ADGRL3: variants seen among roughly 807,000 people sequenced by gnomAD.
ADGRL3 encodes adhesion G protein-coupled receptor L3, also known as calcium-independent alpha-latrotoxin receptor 3.
A neutral mutation model predicts 153.5 loss-of-function variants in ADGRL3; 62 were observed. The observed-to-expected ratio is 0.40, with a 90% CI of 0.33 to 0.50. ADGRL3 has a LOEUF of 0.50. Among genes scored for constraint, ADGRL3 ranks in the 20% least tolerant of loss-of-function variants. The pLI is 0.47. For synonymous variants in ADGRL3, 710 were observed against 672.5 expected, an observed-to-expected ratio of 1.06 and a Z score of -0.86; for missense variants, 1,641 against 1,859.4, an observed-to-expected ratio of 0.88 and a Z score of 2.16.
intron 2 of ADGRL3, among the ~76,000 whole-genome samples, chr4:61,477,071 T>A (rs1427262160): frequency 1.3e-5 from 2 of 152,082 alleles, no homozygotes; most frequent in Non-Finnish European, 2.9e-5. Context: ...CAGAAATATA[T>A]CTGATACGTA....
chr4:62,075,748 C>T lies in ADGRL3; in HGVS notation c.*4840C>T, dbSNP rs887886569. 3 of 151,490 alleles carry T rather than the reference C, an allele frequency of 2.0e-5. No homozygotes were observed. Among genetic ancestry groups the T allele is most frequent in the South Asian group, 2.1e-4 (1 of 4,732 alleles). 9.4% of individuals were successfully genotyped at this position (151,490 alleles called of 1,614,324 possible). A position where few individuals can be genotyped will look rare whatever the true frequency, so the allele number is the denominator to read the frequency against. The stretch of plus-strand genomic sequence containing the variant: ...AATAGCTTATGGAAGCATTTTTGTG[C>T]GAATGGATTTTACATAAGAAGCTTT... On this transcript the variant is annotated 3_prime_UTR_variant, in exon 27 of 27. Coordinates refer to ENST00000683033, the MANE Select transcript of ADGRL3 (RefSeq NM_001387552.1).
chr4:61,287,102 C>T (rs1053784759), intron 1 of ADGRL3, among the ~76,000 whole-genome samples: 1 of 151,450 alleles, frequency 6.6e-6, no homozygotes, highest in Non-Finnish European at 1.5e-5. Context: ...TAGAAGATTC[C>T]ATATTCTCTG....
rs72638563 is a variant in ADGRL3 at position 61,726,859 on chromosome 4, T to G, written c.584-3763T>G. On this transcript the variant is annotated intron_variant, in intron 6 of 26. Transcript: ENST00000683033. ...TGGGGGCATTATTGGATTGTAACAT[T>G]CTGCATTGTAAATAGAAAATGTGTT... 2.4e-3 allele frequency among the ~76,000 whole-genome samples: 365 copies of G among 152,292 alleles called. 2 individuals carry two copies. Among genetic ancestry groups the G allele is most frequent in the Admixed American group, 4.7e-3 (72 of 15,292 alleles).
intron 1 of ADGRL3, among the ~76,000 whole-genome samples, chr4:61,224,200 T>G (rs1445990778): frequency 6.6e-6 from 1 of 152,168 alleles, no homozygotes; most frequent in Non-Finnish European, 1.5e-5. Flanking sequence ...TCTTTCAGCT[T>G]CCAGACAACT....
intron 4 of ADGRL3, among the ~76,000 whole-genome samples, chr4:61,529,662 A>G (rs540561761): frequency 6.6e-6 from 1 of 152,240 alleles, no homozygotes; most frequent in East Asian, 1.9e-4. Flanking sequence ...ATGATATATA[A>G]AGCTTTTTAC....
intron 21 of ADGRL3, among the ~76,000 whole-genome samples, chr4:62,003,640 G>A: frequency 6.6e-6 from 1 of 152,162 alleles, no homozygotes; most frequent in East Asian, 1.9e-4. Flanking sequence ...TAACCACTCT[G>A]TATGGAAATG....
At chr4:61,993,700 T>G (rs2099111840) in intron 19 of ADGRL3, among the ~76,000 whole-genome samples, 1 of 152,078 alleles carries the variant, frequency 6.6e-6, no homozygotes, top group African/African-American at 2.4e-5. Flanking sequence ...TCTCTCTCTC[T>G]CTCTCCCTCT....
intron 5 of ADGRL3, among the ~76,000 whole-genome samples, chr4:61,597,314 C>T (rs183392118): frequency 8.6e-5 from 13 of 152,040 alleles, no homozygotes; most frequent in African/African-American, 2.7e-4. Context: ...ATAGTTGTTA[C>T]GAAAGGAGAC....
At chr4:61,446,688 C>T (rs141096055) in intron 2 of ADGRL3, among the ~76,000 whole-genome samples, 213 of 152,248 alleles carry the variant, frequency 1.4e-3, no homozygotes, top group Non-Finnish European at 2.4e-3. Context: ...AAATGTGGAG[C>T]TCTGAGTCCA....
At chr4:61,309,853 T>C (rs537043607) in intron 1 of ADGRL3, among the ~76,000 whole-genome samples, 1 of 152,206 alleles carries the variant, frequency 6.6e-6, no homozygotes. Context: ...TTTTGTTCTT[T>C]GCTGCCAAAG....
At chr4:61,818,737 ACTT>A (rs1365674132) in intron 9 of ADGRL3, among the ~76,000 whole-genome samples, 3 of 152,060 alleles carry the variant, frequency 2.0e-5, no homozygotes, top group Non-Finnish European at 2.9e-5. Flanking sequence ...GATAGATTCT[ACTT>A]CTTATTCGAT....
chr4:61,994,273 G>A (rs948071978), intron 19 of ADGRL3, among the ~76,000 whole-genome samples: 5 of 152,016 alleles, frequency 3.3e-5, no homozygotes, highest in South Asian at 2.1e-4. Flanking sequence ...TCAGCCTCTC[G>A]AGTAGTTGGG....
intron 1 of ADGRL3, among the ~76,000 whole-genome samples, chr4:61,283,423 CA>C (rs1222950330): frequency 6.6e-6 from 1 of 151,982 alleles, no homozygotes; most frequent in Non-Finnish European, 1.5e-5. Flanking sequence ...TCAGGTTCTT[CA>C]ATTCCATCTT....
intron 4 of ADGRL3, among the ~76,000 whole-genome samples, chr4:61,536,864 C>T (rs999148558): frequency 1.3e-5 from 2 of 151,964 alleles, no homozygotes; most frequent in Non-Finnish European, 2.9e-5. Context: ...AAGTGGAGCA[C>T]TTAGGCTTTT....
At chr4:61,746,356 C>A (rs1413964430) in intron 8 of ADGRL3, among the ~76,000 whole-genome samples, 1 of 151,930 alleles carries the variant, frequency 6.6e-6, no homozygotes, top group African/African-American at 2.4e-5. Context: ...ACCAAGCGGA[C>A]CTAATACCCA....
intron 8 of ADGRL3, among the ~76,000 whole-genome samples, chr4:61,798,815 C>T (rs972422821): frequency 6.6e-6 from 1 of 150,916 alleles, no homozygotes; most frequent in African/African-American, 2.4e-5. Context: ...GACAGGGTTT[C>T]GCCATGCCTG....
chr4:62,015,687 C>A, intron 21 of ADGRL3, among the ~76,000 whole-genome samples: 1 of 152,100 alleles, frequency 6.6e-6, no homozygotes, highest in African/African-American at 2.4e-5. Context: ...TTCACAGGGA[C>A]ATTTTAGTAA....
intron 2 of ADGRL3, among the ~76,000 whole-genome samples, chr4:61,403,753 G>C (rs1159583371): frequency 1.3e-5 from 2 of 152,018 alleles, no homozygotes; most frequent in Non-Finnish European, 2.9e-5. Context: ...TTGTGTGACT[G>C]ATCTCTTAAC....
chr4:61,471,094 C>T (rs1390344285), intron 2 of ADGRL3, among the ~76,000 whole-genome samples: 2 of 151,866 alleles, frequency 1.3e-5, no homozygotes, highest in Non-Finnish European at 3.0e-5. Flanking sequence ...GTCCTTTTTA[C>T]TGCTTGAATT....
Sources: gnomAD v4.1 joint callset for allele counts (sites outside exome capture counted in the v4.1 genomes callset) on GRCh38, gnomAD v4.1.1 for gene constraint, MANE v1.5 for transcripts, NCBI Gene and HGNC (gene_info 2026-07-23, HGNC 2026-07-21) for gene names.